Variants in OR56A3 observed in about 807,000 individuals in gnomAD.
OR56A3 encodes olfactory receptor family 56 subfamily A member 3.
In OR56A3, 23 loss-of-function variants were observed where a neutral mutation model predicts 17.5. That is an observed-to-expected ratio of 1.32 (90% CI 0.95 to 1.87). The LOEUF (loss-of-function observed/expected upper bound fraction) is 1.87. OR56A3 is among the 40% of genes most tolerant of loss of function. OR56A3 has a pLI of 0.00. For missense variants in OR56A3, 366 were observed against 380.1 expected (o/e 0.96, Z 0.31); for synonymous variants, 175 against 150.6 (o/e 1.16, Z -1.19).
the OR56A3 span, among the ~76,000 whole-genome samples, chr11:6,019,182 C>T: frequency 6.6e-6 from 1 of 150,446 alleles, no homozygotes; most frequent in African/African-American, 2.5e-5. Flanking sequence ...CTCAAGGCTA[C>T]TACTACCTTG....
the OR56A3 span, among the ~76,000 whole-genome samples, chr11:5,997,763 A>G: frequency 6.6e-6 from 1 of 152,210 alleles, no homozygotes; most frequent in East Asian, 1.9e-4. Context: ...TTATGTTTAA[A>G]TGAGAATTAC....
chr11:5,992,948 T>C, the OR56A3 span, among the ~76,000 whole-genome samples: 2 of 152,274 alleles, frequency 1.3e-5, no homozygotes, highest in Admixed American at 1.3e-4. Context: ...TAAATATCTA[T>C]ATGATAAAAA....
At chr11:5,963,817 A>T in the OR56A3 span, among the ~76,000 whole-genome samples, 2 of 152,128 alleles carry the variant, frequency 1.3e-5, no homozygotes, top group Non-Finnish European at 2.9e-5. Flanking sequence ...TCACTCTTGA[A>T]TGCCAATAAC....
the OR56A3 span, among the ~76,000 whole-genome samples, chr11:5,970,675 T>C: frequency 1.2e-3 from 178 of 151,450 alleles, 1 homozygote; most frequent in Non-Finnish European, 1.2e-3. Context: ...AGAAAAATAT[T>C]GGTGATAAAA....
At chr11:6,002,361 C>T in the OR56A3 span, 1 of 1,614,142 alleles carries the variant, frequency 6.2e-7, no homozygotes, top group Non-Finnish European at 8.5e-7. Flanking sequence ...AAGATCAGAG[C>T]CCAACAGAGT....
chr11:6,014,466 A>T, the OR56A3 span, among the ~76,000 whole-genome samples: 1 of 152,198 alleles, frequency 6.6e-6, no homozygotes, highest in African/African-American at 2.4e-5. Context: ...TGCTCCTTCC[A>T]TGTAAGATAC....
the OR56A3 span, among the ~76,000 whole-genome samples, chr11:5,980,617 C>CCAACTTACCAAAG: frequency 6.6e-6 from 1 of 152,098 alleles, no homozygotes; most frequent in African/African-American, 2.4e-5. Flanking sequence ...ATAGTTGGGT[C>CCAACTTACCAAAG]TTGCTTCTTT....
chr11:6,003,271 G>T, the OR56A3 span: 2 of 598,786 alleles, frequency 3.3e-6, no homozygotes, highest in Non-Finnish European at 5.4e-6. Context: ...AATGTTACAG[G>T]TAATAAAATA....
At chr11:6,008,311 G>A in the OR56A3 span, among the ~76,000 whole-genome samples, 2 of 152,278 alleles carry the variant, frequency 1.3e-5, no homozygotes, top group East Asian at 3.9e-4. Context: ...ATCTTGCTAT[G>A]TAGGTGTCTG....
intron 2 of OR56A3, among the ~76,000 whole-genome samples, chr11:5,945,660 G>C (rs906793175): frequency 6.6e-6 from 1 of 151,308 alleles, no homozygotes; most frequent in African/African-American, 2.4e-5. Context: ...CTCTATATTA[G>C]GTAAGATTAG....
the OR56A3 span, chr11:5,967,875 C>T: frequency 6.3e-7 from 1 of 1,577,386 alleles, no homozygotes; most frequent in Non-Finnish European, 8.6e-7. Flanking sequence ...CAGCAGGGTC[C>T]AACCTATAAC....
At chr11:6,011,009 G>A in the OR56A3 span, among the ~76,000 whole-genome samples, 103,085 of 151,804 alleles carry the variant, frequency 0.68, 35,313 homozygotes, top group East Asian at 0.93. Flanking sequence ...ATGTGTTTGT[G>A]TTTTAAGCTG....
the OR56A3 span, among the ~76,000 whole-genome samples, chr11:6,011,511 C>A: frequency 1.3e-5 from 2 of 152,000 alleles, no homozygotes; most frequent in East Asian, 1.9e-4. Context: ...CAAAACATGT[C>A]CTGACATTAT....
the OR56A3 span, among the ~76,000 whole-genome samples, chr11:6,010,215 T>G: frequency 6.6e-6 from 1 of 152,226 alleles, no homozygotes; most frequent in Non-Finnish European, 1.5e-5. Context: ...TTCTGATATC[T>G]AATTCTACTG....
At chr11:5,992,999 G>A in the OR56A3 span, among the ~76,000 whole-genome samples, 2 of 152,090 alleles carry the variant, frequency 1.3e-5, no homozygotes, top group African/African-American at 2.4e-5. Flanking sequence ...TAAGTACATA[G>A]GACCTTCCCA....
chr11:5,949,593 C>A lies in OR56A3; in HGVS notation c.*1299C>A, dbSNP rs1307039274. 6.6e-6 allele frequency: 1 copy of A among 152,174 alleles called. No homozygotes were observed. Among genetic ancestry groups the A allele is most frequent in the African/African-American group, 2.4e-5 (1 of 41,434 alleles). 9.4% of individuals were successfully genotyped at this position (152,174 alleles called of 1,614,324 possible). A position where few individuals can be genotyped will look rare whatever the true frequency, so the allele number is the denominator to read the frequency against. ...GATTCTGTGCTTCAGTAACAACTTA[C>A]AAGTATGTGTTACTTTGTTTTGACC... On this transcript the variant is annotated 3_prime_UTR_variant, in exon 3 of 3. Coordinates refer to ENST00000641160, the MANE Select transcript of OR56A3 (RefSeq NM_001003443.3).
At chr11:5,986,835 C>T in the OR56A3 span, 1 of 1,613,972 alleles carries the variant, frequency 6.2e-7, no homozygotes, top group Non-Finnish European at 8.5e-7. Context: ...GAATCCCTAC[C>T]AGGAGAAAAG....
the OR56A3 span, among the ~76,000 whole-genome samples, chr11:5,957,475 C>G: frequency 6.6e-6 from 1 of 152,164 alleles, no homozygotes. Flanking sequence ...GGAATAGCTT[C>G]CTATTCCCCG....
At chr11:5,944,662 T>C (rs1177265998) in intron 1 of OR56A3, 144 bp from the exon 2 acceptor site, 1 of 152,214 alleles carries the variant, frequency 6.6e-6, no homozygotes, top group African/African-American at 2.4e-5. Context: ...CACTAAAATA[T>C]GATTTGCCTA....
Sources: allele counts gnomAD v4.1 joint callset (sites outside exome capture counted in the v4.1 genomes callset), GRCh38; gene constraint gnomAD v4.1.1; transcripts MANE v1.5; gene names NCBI Gene and HGNC (gene_info 2026-07-23, HGNC 2026-07-21).